Variants in ATP9B observed in about 807,000 individuals in gnomAD.
ATP9B encodes probable phospholipid-transporting ATPase IIB.
A neutral mutation model predicts 146.1 loss-of-function variants in ATP9B; 110 were observed. The ratio of observed to expected loss-of-function variants is 0.75; its 90% CI spans 0.65 to 0.88. The LOEUF is 0.88. Among genes scored for constraint, ATP9B ranks in the 40% least tolerant of loss-of-function variants. ATP9B has a pLI of 0.00. For synonymous variants in ATP9B, 604 were observed against 569.7 expected (o/e 1.06, Z -0.86); for missense variants, 1,499 against 1,496.4 (o/e 1.00, Z -0.03).
intron 15 of ATP9B, among the ~76,000 whole-genome samples, chr18:79,327,602 G>A (rs1288478082): frequency 8.6e-5 from 11 of 127,692 alleles, no homozygotes; most frequent in African/African-American, 2.1e-4. Context: ...CGTGCCCTCC[G>A]TGGTTAGCGT....
intron 1 of ATP9B, among the ~76,000 whole-genome samples, chr18:79,091,502 G>A (rs1037955800): frequency 2.6e-5 from 4 of 151,908 alleles, no homozygotes; most frequent in Non-Finnish European, 2.9e-5. Context: ...TCACTTCTTC[G>A]GTGAAGTTAA....
In ATP9B at chr18:79,223,447, G is replaced by A. The variant is rs143801720; in HGVS notation, c.1107+9409G>A. The stretch of plus-strand genomic sequence containing the variant: ...AGTTTAAATACTTATTTTAAAATGT[G>A]CCCATGTGCTTCACCAAAGAGCTAC... On this transcript the variant is annotated intron_variant, in intron 11 of 29. Transcript: ENST00000426216. Among the ~76,000 whole-genome samples the A allele has an allele frequency of 7.3e-3, 1,114 of 152,210 alleles. 8 individuals carry two copies. The highest frequency in any genetic ancestry group is 0.024 in the Middle Eastern group (7 of 294).
At chr18:79,328,786 G>T (rs546157944) in intron 15 of ATP9B, among the ~76,000 whole-genome samples, 12 of 152,286 alleles carry the variant, frequency 7.9e-5, no homozygotes, top group African/African-American at 2.9e-4. Flanking sequence ...ACCTTGAAAA[G>T]TCGTATAACT....
At chr18:79,342,761 C>CTGCAA (rs1457106799) in intron 20 of ATP9B, among the ~76,000 whole-genome samples, 1 of 152,024 alleles carries the variant, frequency 6.6e-6, no homozygotes, top group East Asian at 1.9e-4. Flanking sequence ...AAGAGGCATA[C>CTGCAA]TGCAATTATT....
chr18:79,286,320 A>G (rs1268397362), intron 13 of ATP9B, among the ~76,000 whole-genome samples: 1 of 152,046 alleles, frequency 6.6e-6, no homozygotes, highest in Non-Finnish European at 1.5e-5. Flanking sequence ...GTTCTCCTTG[A>G]AGAAGTCCTT....
At chr18:79,376,820 C>T (rs766743999) in intron 29 of ATP9B, among the ~76,000 whole-genome samples, 5 of 151,650 alleles carry the variant, frequency 3.3e-5, no homozygotes, top group African/African-American at 4.8e-5. Context: ...TCCACCTCCC[C>T]GGTAGCTGGG....
intron 4 of ATP9B, among the ~76,000 whole-genome samples, chr18:79,121,922 T>G (rs1023100958): frequency 1.3e-5 from 2 of 152,188 alleles, no homozygotes; most frequent in Non-Finnish European, 2.9e-5. Context: ...ACTGACTTCC[T>G]TGAGTTCTTA....
chr18:79,325,321 CTGAAA>C (rs1473951419), intron 15 of ATP9B, among the ~76,000 whole-genome samples: 4 of 152,112 alleles, frequency 2.6e-5, no homozygotes, highest in African/African-American at 9.7e-5. Flanking sequence ...GATTTTGTAA[CTGAAA>C]TGACTGCAAA....
rs150851520 is a variant in ATP9B, at chr18:79,365,962, G to A, written c.3012+6500G>A. 2.8e-3 allele frequency among the ~76,000 whole-genome samples: 426 copies of A among 152,378 alleles called. 3 individuals carry two copies. The highest frequency in any genetic ancestry group is 9.7e-3 in the African/African-American group (403 of 41,592). On this transcript the variant is annotated intron_variant, in intron 26 of 29. Coordinates refer to ENST00000426216, the MANE Select transcript of ATP9B (RefSeq NM_198531.5). ...TGTGTGATGGAAGGACATCCTAGTGGACATGGCCAGCCTGTGTGTCATGCC... is the reference window on the plus strand; with the variant it reads ...TGTGTGATGGAAGGACATCCTAGTGAACATGGCCAGCCTGTGTGTCATGCC...
chr18:79,186,146 C>G (rs1161325180), intron 8 of ATP9B, among the ~76,000 whole-genome samples: 1 of 152,132 alleles, frequency 6.6e-6, no homozygotes, highest in African/African-American at 2.4e-5. Context: ...TAAATCATGA[C>G]ATGCTGATTT....
At chr18:79,137,127 GT>G (rs2094457410) in intron 5 of ATP9B, among the ~76,000 whole-genome samples, 1 of 152,048 alleles carries the variant, frequency 6.6e-6, no homozygotes, top group Non-Finnish European at 1.5e-5. Context: ...CTCAAGCATT[GT>G]TTTTGTGTCT....
intron 2 of ATP9B, 33 bp downstream of exon 2, chr18:79,096,682 A>G (rs748969296): frequency 6.1e-5 from 94 of 1,551,170 alleles, no homozygotes; most frequent in Non-Finnish European, 5.2e-5. Context: ...ATTTCCTTAT[A>G]TGCTAAGGTT....
chr18:79,309,389 A>T (rs113436214), intron 15 of ATP9B, among the ~76,000 whole-genome samples: 4 of 120,284 alleles, frequency 3.3e-5, no homozygotes, highest in Admixed American at 1.7e-4. Context: ...GTAGAAGGTC[A>T]GGGGCGGAGG....
intron 7 of ATP9B, among the ~76,000 whole-genome samples, chr18:79,164,501 G>T (rs1253084053): frequency 6.6e-6 from 1 of 152,080 alleles, no homozygotes; most frequent in African/African-American, 2.4e-5. Flanking sequence ...GGATCACGAG[G>T]TCAGGAGATC....
intron 26 of ATP9B, among the ~76,000 whole-genome samples, chr18:79,367,128 C>T (rs1471587352): frequency 7.9e-6 from 1 of 126,814 alleles, no homozygotes; most frequent in Non-Finnish European, 1.6e-5. Flanking sequence ...CATATCTTCA[C>T]CTCCACCGTG....
chr18:79,217,297 G>C (rs2095636498), intron 11 of ATP9B, among the ~76,000 whole-genome samples: 2 of 152,182 alleles, frequency 1.3e-5, no homozygotes, highest in Non-Finnish European at 2.9e-5. Context: ...CCATTCTCCT[G>C]CCTCAGCCTC....
At chr18:79,371,558 CT>C (rs1350804761) in intron 26 of ATP9B, among the ~76,000 whole-genome samples, 2 of 152,216 alleles carry the variant, frequency 1.3e-5, no homozygotes, top group African/African-American at 4.8e-5. Context: ...TAAACTACAA[CT>C]AGAATTATAA....
intron 7 of ATP9B, among the ~76,000 whole-genome samples, chr18:79,155,818 A>G (rs990818524): frequency 2.5e-5 from 3 of 121,480 alleles, no homozygotes; most frequent in Non-Finnish European, 4.7e-5. Flanking sequence ...GCTGGAGTGC[A>G]GTGGTGCGAT....
chr18:79,176,672 G>A, intron 7 of ATP9B, 141 bp from the exon 8 acceptor site: 2 of 636,292 alleles, frequency 3.1e-6, no homozygotes, highest in Non-Finnish European at 5.4e-6. Context: ...AGTTTTTAAG[G>A]AGTTTTGTTC....
Sources: gnomAD v4.1 joint callset for allele counts (sites outside exome capture counted in the v4.1 genomes callset) on GRCh38, gnomAD v4.1.1 for gene constraint, MANE v1.5 for transcripts, NCBI Gene and HGNC (gene_info 2026-07-23, HGNC 2026-07-21) for gene names.